The following HYAL4 variants were observed in gnomAD, a reference collection of about 807,000 sequenced individuals.
The protein encoded by HYAL4 is hyaluronidase 4, also known as hyaluronidase-4.
In HYAL4, 37 loss-of-function variants were observed where a neutral mutation model predicts 35.2. That is an observed-to-expected ratio of 1.05 (90% CI 0.81 to 1.38). The LOEUF (loss-of-function observed/expected upper bound fraction) is 1.38. Ranked by LOEUF, HYAL4 falls within the 40% of genes most tolerant of loss-of-function variation. HYAL4 has a pLI of 0.00. For synonymous variants in HYAL4, 198 were observed against 203.2 expected, an observed-to-expected ratio of 0.97 and a Z score of 0.22; for missense variants, 572 against 572.4, an observed-to-expected ratio of 1.00 and a Z score of 0.01.
At chr7:123,842,898 A>T (rs539228498), upstream of HYAL4, among the ~76,000 whole-genome samples, 1 of 151,822 alleles carries the variant, frequency 6.6e-6, no homozygotes, top group Non-Finnish European at 1.5e-5. Flanking sequence ...GTGTCTTTGC[A>T]CGTGAGATGG....
At chr7:123,789,223 T>G in the HYAL4 span, among the ~76,000 whole-genome samples, 1 of 152,222 alleles carries the variant, frequency 6.6e-6, no homozygotes, top group African/African-American at 2.4e-5. Flanking sequence ...CAAATAACTA[T>G]AATTTAGGAC....
the HYAL4 span, among the ~76,000 whole-genome samples, chr7:123,807,912 A>C: frequency 1.7e-5 from 2 of 115,322 alleles, no homozygotes; most frequent in African/African-American, 7.0e-5. Flanking sequence ...TTTTAGCTGG[A>C]TAATTATTAT....
At chr7:123,765,218 C>T in the HYAL4 span, among the ~76,000 whole-genome samples, 4 of 151,708 alleles carry the variant, frequency 2.6e-5, no homozygotes, top group African/African-American at 9.7e-5. Flanking sequence ...AAAATTGTCA[C>T]TCTGAGGGTG....
At chr7:123,838,386 T>G (rs552240643) in intron 1 of HYAL4, among the ~76,000 whole-genome samples, 1 of 152,168 alleles carries the variant, frequency 6.6e-6, no homozygotes, top group Admixed American at 6.6e-5. Context: ...ACATAATTAA[T>G]CATGCTACGT....
intron 3 of HYAL4, among the ~76,000 whole-genome samples, chr7:123,873,398 C>G (rs1806933684): frequency 2.7e-5 from 1 of 36,676 alleles, no homozygotes; most frequent in African/African-American, 1.6e-4. Flanking sequence ...AAGACAATTG[C>G]CCAGAAAAAA....
chr7:123,778,184 TC>T, the HYAL4 span, among the ~76,000 whole-genome samples: 5 of 151,704 alleles, frequency 3.3e-5, no homozygotes, highest in East Asian at 7.7e-4. Flanking sequence ...TATCTATCTA[TC>T]TATCTATCTA....
At position 123,876,782 on chromosome 7, in the gene HYAL4, T is replaced by C. The variant is rs1207198202; in HGVS notation, c.1073T>C (p.Val358Ala). Residue 358 changes from valine to alanine, a missense_variant, in exon 5 of 5, where the codon GTG becomes GCG. Coordinates refer to ENST00000223026, the MANE Select transcript of HYAL4 (RefSeq NM_012269.3). ...AACTGTACAAAGGTGAAGCAGTTTG[T>C]GAGTTCTGATTTAGGGAGCTACATA... ...KANCTKVKQF[V>A]SSDLGSYIAN... 6.2e-7 allele frequency: 1 copy of C among 1,613,352 alleles called. No individual in the cohort carries two copies. The highest frequency in any genetic ancestry group is 1.3e-5 in the African/African-American group (1 of 74,910).
upstream of HYAL4, among the ~76,000 whole-genome samples, chr7:123,841,442 T>TA (rs769188271): frequency 9.2e-5 from 14 of 152,004 alleles, no homozygotes; most frequent in Non-Finnish European, 1.6e-4. Context: ...TATTGGTTTC[T>TA]AAAATTCTCT....
upstream of HYAL4, among the ~76,000 whole-genome samples, chr7:123,840,199 A>C (rs561777998): frequency 7.2e-5 from 11 of 152,292 alleles, no homozygotes; most frequent in East Asian, 5.8e-4. Flanking sequence ...TCAGCTTTCT[A>C]CATATGGCTA....
intron 2 of HYAL4, among the ~76,000 whole-genome samples, chr7:123,856,656 TG>T (rs370051646): frequency 0.036 from 5,489 of 152,232 alleles, 121 homozygotes; most frequent in Middle Eastern, 0.082. Flanking sequence ...TTAGGAGGCA[TG>T]GGGGTGAGGG....
chr7:123,876,360 G>A (rs1217746811), intron 4 of HYAL4, among the ~76,000 whole-genome samples: 1 of 152,158 alleles, frequency 6.6e-6, no homozygotes, highest in Non-Finnish European at 1.5e-5. Flanking sequence ...AGCAGTTCTG[G>A]TACATTCCTA....
the HYAL4 span, among the ~76,000 whole-genome samples, chr7:123,773,652 T>C: frequency 6.6e-6 from 1 of 152,242 alleles, no homozygotes; most frequent in African/African-American, 2.4e-5. Flanking sequence ...TGCATGCGCA[T>C]ATACGTTTGT....
the HYAL4 span, among the ~76,000 whole-genome samples, chr7:123,784,764 C>G: frequency 1.3e-5 from 2 of 152,192 alleles, no homozygotes; most frequent in African/African-American, 4.8e-5. Flanking sequence ...CTAGTTTTCA[C>G]CACCACTACC....
At chr7:123,796,775 AT>A in the HYAL4 span, among the ~76,000 whole-genome samples, 1 of 152,376 alleles carries the variant, frequency 6.6e-6, no homozygotes, top group African/African-American at 2.4e-5. Flanking sequence ...TGAAGTGCCA[AT>A]ACATATTACA....
chr7:123,876,834 A>G lies in HYAL4; in HGVS notation c.1125A>G (p.Val375=). 1 of 1,614,046 alleles carries G rather than the reference A, an allele frequency of 6.2e-7. No individual in the cohort carries two copies. Among genetic ancestry groups the G allele is most frequent in the Non-Finnish European group, 8.5e-7 (1 of 1,179,888 alleles). The change falls in exon 5 of 5, where the codon GTA becomes GTG. Residue 375 remains valine (V), a synonymous_variant. Transcript: ENST00000223026. ...CCAATGTGACCAGAGCTGCTGAGGT[A>G]TGCAGCCTTCACCTCTGCAGGAACA... ...YIANVTRAAE[V]CSLHLCRNNG...
the HYAL4 span, among the ~76,000 whole-genome samples, chr7:123,819,966 C>T: frequency 6.6e-6 from 1 of 150,608 alleles, no homozygotes; most frequent in East Asian, 2.0e-4. Flanking sequence ...TCTTGGCACA[C>T]TGCAACCTCT....
At chr7:123,852,011 A>G (rs1451049943) in intron 2 of HYAL4, among the ~76,000 whole-genome samples, 2 of 151,894 alleles carry the variant, frequency 1.3e-5, no homozygotes, top group Non-Finnish European at 2.9e-5. Flanking sequence ...GCTTTTTTTC[A>G]TCTTTGTTGG....
Position 123,877,157 on chromosome 7 carries a change from A to T in HYAL4, c.*2A>T. ...AGTTATCGAAGCATTCAGTTGTGAG[A>T]TAATTGAGTTTAAAGGGAATTGTGT... On this transcript the variant is annotated 3_prime_UTR_variant, in exon 5 of 5. Transcript: ENST00000223026. 6.2e-7 allele frequency: 1 copy of T among 1,610,154 alleles called. No individual in the cohort carries two copies. Among genetic ancestry groups the T allele is most frequent in the East Asian group, 2.2e-5 (1 of 44,824 alleles).
At chr7:123,781,044 C>G in the HYAL4 span, among the ~76,000 whole-genome samples, 2 of 47,722 alleles carry the variant, frequency 4.2e-5, no homozygotes, top group African/African-American at 2.3e-4. Context: ...CGTCCCCCAG[C>G]CCGACACCCG....
Sources: allele counts gnomAD v4.1 joint callset (sites outside exome capture counted in the v4.1 genomes callset), GRCh38; gene constraint gnomAD v4.1.1; transcripts MANE v1.5; gene names NCBI Gene and HGNC (gene_info 2026-07-23, HGNC 2026-07-21).